The following BPIFB1 variants were observed in gnomAD, a reference collection of about 807,000 sequenced individuals.
The protein encoded by BPIFB1 is BPI fold containing family B member 1, also known as BPI fold-containing family B member 1.
A neutral mutation model predicts 55.1 loss-of-function variants in BPIFB1; 34 were observed. The ratio of observed to expected loss-of-function variants is 0.62; its 90% confidence interval spans 0.47 to 0.82. The LOEUF is 0.82. Among genes scored for constraint, BPIFB1 ranks in the 40% least tolerant of loss-of-function variants. The pLI is 0.00. For missense variants in BPIFB1, 532 were observed against 593.1 expected, an observed-to-expected ratio of 0.90 and a Z score of 1.07; for synonymous variants, 236 against 245.3, an observed-to-expected ratio of 0.96 and a Z score of 0.35.
At chr20:33,302,271 T>A in intron 9 of BPIFB1, 88 bp from the exon 10 acceptor site, 2 of 1,432,232 alleles carry the variant, frequency 1.4e-6, no homozygotes, top group Non-Finnish European at 2.0e-6. Flanking sequence ...TCTGGGGTCC[T>A]GGGAAACCTT....
At chr20:33,302,475 G>A in intron 10 of BPIFB1, 63 bp downstream of exon 10, 2 of 1,560,214 alleles carry the variant, frequency 1.3e-6, no homozygotes, top group Non-Finnish European at 1.8e-6. Flanking sequence ...CAGGCCTCTG[G>A]GGAGGAGAAT....
In BPIFB1 at chr20:33,291,049, T is replaced by G. The variant is rs2146527844; in HGVS notation, c.458T>G (p.Leu153Arg). 2 of 1,613,656 alleles carry G rather than the reference T, an allele frequency of 1.2e-6. No individual in the cohort carries two copies. The highest frequency in any genetic ancestry group is 1.7e-6 in the Non-Finnish European group (2 of 1,180,004). The change falls in exon 5 of 16, where the codon CTG (leucine) becomes CGG (arginine). Residue 153 changes from leucine to arginine, a missense_variant. Physicochemically the swap from Leu to Arg is moderately radical, Grantham distance 102. Transcript: ENST00000253354. ...MDTSASGPTR[L>R]VLSDCATSHG... The stretch of plus-strand genomic sequence containing the variant: ...ACCAGTGCAAGTGGCCCCACCCGCC[T>G]GGTCCTCAGTGACTGTGCCACCAGC...
At chr20:33,305,692 G>C (rs376526284) in intron 13 of BPIFB1, among the ~76,000 whole-genome samples, 1 of 152,088 alleles carries the variant, frequency 6.6e-6, no homozygotes, top group African/African-American at 2.4e-5. Flanking sequence ...CAGAAGTTCA[G>C]GCAATGCAGG....
chr20:33,290,352 G>A (rs1344227387), intron 4 of BPIFB1, among the ~76,000 whole-genome samples: 2 of 152,124 alleles, frequency 1.3e-5, no homozygotes, highest in Non-Finnish European at 2.9e-5. Flanking sequence ...GGCTGCTGTG[G>A]GGAAAAAAGA....
At chr20:33,285,540 C>G (rs1186869505) in intron 1 of BPIFB1, among the ~76,000 whole-genome samples, 1 of 151,076 alleles carries the variant, frequency 6.6e-6, no homozygotes, top group Non-Finnish European at 1.5e-5. Flanking sequence ...GGTGAAACCC[C>G]GTCTCTACTA....
At chr20:33,298,976 C>CTTTTTT (rs35028429) in intron 7 of BPIFB1, 3,074 of 244,450 alleles carry the variant, frequency 0.013, 142 homozygotes, top group African/African-American at 0.083. Context: ...CTTTAATATA[C>CTTTTTT]TTTTTTTTTT....
rs778975970 is a variant in BPIFB1, at chr20:33,306,017, AACATCATC to A, written c.1273_1280del (p.Ile425Ter). The A allele has an allele frequency of 3.1e-6, 5 of 1,613,824 alleles. No individual in the cohort carries two copies. Among genetic ancestry groups the A allele is most frequent in the Non-Finnish European group, 4.2e-6 (5 of 1,179,984 alleles). ...TCTCTCACAGCCTGATGTTCTGAAA[AACATCATC>A]ACTGAGATCATCCACTCCATCCTGC... On this transcript the variant is annotated frameshift_variant, in exon 14 of 16. Transcript: ENST00000253354. LOFTEE classifies it high-confidence loss of function.
At chr20:33,300,093 A>G (rs2146533099) in intron 8 of BPIFB1, 109 bp downstream of exon 8, 2 of 921,618 alleles carry the variant, frequency 2.2e-6, no homozygotes, top group Admixed American at 1.9e-5. Context: ...CCTGGTCACC[A>G]TTAGGACACG....
At chr20:33,307,104 C>T in intron 15 of BPIFB1, 117 bp downstream of exon 15, 2 of 885,038 alleles carry the variant, frequency 2.3e-6, no homozygotes, top group South Asian at 2.8e-5. Flanking sequence ...TGGGCAAGTC[C>T]CTTCCCCTCT....
At chr20:33,306,815 C>A in intron 14 of BPIFB1, 96 bp from the exon 15 acceptor site, 1 of 1,026,664 alleles carries the variant, frequency 9.7e-7, no homozygotes, top group Non-Finnish European at 1.5e-6. Context: ...ATCAGGCCTG[C>A]CAGGCCGGGG....
Position 33,303,993 on chromosome 20 carries a change from T to C in BPIFB1, c.1176T>C (p.Gly392=), listed in dbSNP as rs1323940656. 3.7e-6 allele frequency: 6 copies of C among 1,613,802 alleles called. No homozygotes were observed. The highest frequency in any genetic ancestry group is 5.1e-6 in the Non-Finnish European group (6 of 1,179,944). Residue 392 remains glycine (G), a synonymous_variant, in exon 12 of 16, where the codon GGT becomes GGC. Transcript: ENST00000253354. The part of the protein sequence containing the change: ...ASSEAQFYTK[G]DQLILNLNNI... ...CGGAAGCTCAGTTTTACACCAAAGGTGACCAACTTATACTCAACTTGAATA... is the reference window on the plus strand; with the variant it reads ...CGGAAGCTCAGTTTTACACCAAAGGCGACCAACTTATACTCAACTTGAATA...
intron 8 of BPIFB1, 108 bp downstream of exon 8, chr20:33,300,092 C>G: frequency 1.1e-6 from 1 of 920,116 alleles, no homozygotes; most frequent in Non-Finnish European, 1.8e-6. Context: ...TCCTGGTCAC[C>G]ATTAGGACAC....
chr20:33,302,501 T>C, intron 10 of BPIFB1, 89 bp downstream of exon 10: 1 of 1,427,636 alleles, frequency 7.0e-7, no homozygotes, highest in Non-Finnish European at 9.9e-7. Context: ...GGGACTAGTG[T>C]TTCATTCCAG....
Position 33,306,988 on chromosome 20 carries a change from GTGAGTGGGTGTGGCCCTAAACATCC to G in BPIFB1, c.1395+4_1395+28del, listed in dbSNP as rs756984851. ...GGCAGCTGAGTCCTCACTGACCAAG[GTGAGTGGGTGTGGCCCTAAACATCC>G]TGCCCCAGGGAGGGCACAGCCACTG... On this transcript the variant is annotated splice_donor_variant and splice_donor_5th_base_variant and intron_variant, in intron 15 of 15. Coordinates refer to ENST00000253354, the MANE Select transcript of BPIFB1 (RefSeq NM_033197.3). LOFTEE classifies it high-confidence loss of function. 1.4e-4 allele frequency: 218 copies of G among 1,613,902 alleles called. No homozygotes were observed. The highest frequency in any genetic ancestry group is 1.7e-4 in the Non-Finnish European group (204 of 1,179,710).
chr20:33,302,891 A>G lies in BPIFB1; in HGVS notation c.982-25A>G, dbSNP rs576700251. On this transcript the variant is annotated intron_variant, in intron 10 of 15. Transcript: ENST00000253354. The stretch of plus-strand genomic sequence containing the variant: ...GGCCATGGTGGGCACTTGGGAGGCC[A>G]CATGTGGGTCTGATCTCCTTCCAGG... The G allele has an allele frequency of 1.2e-5, 20 of 1,611,524 alleles. No individual in the cohort carries two copies. The African/African-American group carries it at 2.1e-4, about 17-fold the overall frequency.
chr20:33,306,197 C>A, intron 14 of BPIFB1, 132 bp downstream of exon 14: 1 of 1,016,436 alleles, frequency 9.8e-7, no homozygotes. Context: ...CAAAATCTGC[C>A]TCCTCCCAAG....
At chr20:33,297,629 G>A (rs374790619) in intron 7 of BPIFB1, 41 bp downstream of exon 7, 167 of 1,608,982 alleles carry the variant, frequency 1.0e-4, no homozygotes, top group South Asian at 4.1e-4. Flanking sequence ...CCTTTACTAC[G>A]GAGCTGGCCT....
rs758767059 is a variant in BPIFB1 at position 33,303,075 on chromosome 20, G to A, written c.1140+1G>A. 14 of 1,613,308 alleles carry A rather than the reference G, an allele frequency of 8.7e-6. No individual in the cohort carries two copies. The highest frequency in any genetic ancestry group is 5.0e-5 in the Admixed American group (3 of 60,000). On this transcript the variant is annotated splice_donor_variant, in intron 11 of 15. Transcript: ENST00000253354. LOFTEE classifies it high-confidence loss of function. The stretch of plus-strand genomic sequence containing the variant: ...CCGCCCTTTGTTCACCCTGGGCATC[G>A]TGAGTTCAGTTGTCTGCGATATTGG...
intron 8 of BPIFB1, 78 bp downstream of exon 8, chr20:33,300,062 G>C (rs958308554): frequency 7.8e-7 from 1 of 1,278,558 alleles, no homozygotes; most frequent in Non-Finnish European, 1.1e-6. Flanking sequence ...GATAGCATGG[G>C]CCTGTGTTAG....
Sources: gnomAD v4.1 joint callset for allele counts (sites outside exome capture counted in the v4.1 genomes callset) on GRCh38, gnomAD v4.1.1 for gene constraint, MANE v1.5 for transcripts, NCBI Gene and HGNC (gene_info 2026-07-23, HGNC 2026-07-21) for gene names.